GRID1: variants seen among roughly 807,000 people sequenced by gnomAD.
GRID1 encodes the protein glutamate receptor ionotropic, delta-1.
In GRID1, 28 loss-of-function variants were observed where a neutral mutation model predicts 98.0. The ratio of observed to expected loss-of-function variants is 0.29; its 90% CI spans 0.21 to 0.39. The LOEUF (loss-of-function observed/expected upper bound fraction) is 0.39, where lower values mean the gene tolerates loss of function less well. GRID1 is among the 10% of genes least tolerant of loss of function. GRID1 has a pLI of 1.00. For missense variants in GRID1, 1,111 were observed against 1,340.5 expected, an observed-to-expected ratio of 0.83 and a Z score of 2.67; for synonymous variants, 553 against 538.5, an observed-to-expected ratio of 1.03 and a Z score of -0.37.
At chr10:86,086,619 T>C (rs1844061486) in intron 4 of GRID1, among the ~76,000 whole-genome samples, 1 of 151,956 alleles carries the variant, frequency 6.6e-6, no homozygotes, top group Admixed American at 6.6e-5. Context: ...TGTGCGCAAG[T>C]GTGTGTGTGT....
intron 4 of GRID1, among the ~76,000 whole-genome samples, chr10:86,035,734 G>A (rs1436436318): frequency 6.6e-6 from 1 of 152,148 alleles, no homozygotes; most frequent in East Asian, 1.9e-4. Flanking sequence ...GACAGATAAT[G>A]AGCATTAAAG....
intron 12 of GRID1, among the ~76,000 whole-genome samples, chr10:85,703,954 G>T (rs1231340554): frequency 6.6e-6 from 1 of 152,030 alleles, no homozygotes; most frequent in Non-Finnish European, 1.5e-5. Context: ...GCATTTGCTT[G>T]TCTGTAAAGT....
chr10:85,814,189 C>T (rs1267395989), intron 8 of GRID1, among the ~76,000 whole-genome samples: 1 of 151,752 alleles, frequency 6.6e-6, no homozygotes, highest in Admixed American at 6.6e-5. Flanking sequence ...CTGCCATGGG[C>T]TGCATATACA....
chr10:85,924,078 C>A (rs1482168952), intron 4 of GRID1, among the ~76,000 whole-genome samples: 2 of 152,176 alleles, frequency 1.3e-5, no homozygotes, highest in Non-Finnish European at 2.9e-5. Flanking sequence ...CAGCACCTGG[C>A]AGACAGTGAA....
At chr10:86,179,164 C>A (rs1001876892) in intron 3 of GRID1, among the ~76,000 whole-genome samples, 3 of 151,774 alleles carry the variant, frequency 2.0e-5, no homozygotes, top group Admixed American at 2.0e-4. Flanking sequence ...CGGGCCTCCA[C>A]TGGGGCCCAC....
At chr10:85,829,469 G>C (rs150636958) in intron 8 of GRID1, among the ~76,000 whole-genome samples, 2 of 152,270 alleles carry the variant, frequency 1.3e-5, no homozygotes, top group African/African-American at 4.8e-5. Flanking sequence ...GCAAGAGAAA[G>C]AAATAAAGGG....
At chr10:85,910,015 A>T (rs1841515875) in intron 5 of GRID1, among the ~76,000 whole-genome samples, 1 of 152,224 alleles carries the variant, frequency 6.6e-6, no homozygotes, top group Non-Finnish European at 1.5e-5. Flanking sequence ...GGTCTGATAA[A>T]TGGCAACTCC....
At chr10:85,857,408 G>A (rs1843122588) in intron 6 of GRID1, among the ~76,000 whole-genome samples, 2 of 152,150 alleles carry the variant, frequency 1.3e-5, no homozygotes, top group Non-Finnish European at 2.9e-5. Context: ...CGATCTGGAT[G>A]TGGAGGAGCT....
intron 5 of GRID1, among the ~76,000 whole-genome samples, chr10:85,893,509 C>T (rs979864993): frequency 6.6e-6 from 1 of 152,044 alleles, no homozygotes; most frequent in Non-Finnish European, 1.5e-5. Flanking sequence ...CAAAAACCTA[C>T]CAGAACTAAG....
At chr10:85,875,557 A>C (rs1197223565) in intron 5 of GRID1, among the ~76,000 whole-genome samples, 1 of 151,972 alleles carries the variant, frequency 6.6e-6, no homozygotes, top group Admixed American at 6.6e-5. Context: ...TTTTCTCTTT[A>C]TTCCTTGTTT....
At chr10:85,922,042 A>G (rs562814698) in intron 4 of GRID1, among the ~76,000 whole-genome samples, 2 of 152,314 alleles carry the variant, frequency 1.3e-5, no homozygotes, top group South Asian at 2.1e-4. Context: ...CTTAGCCAGT[A>G]TTCAGCAGAG....
chr10:85,879,107 C>T (rs182021449), intron 5 of GRID1, among the ~76,000 whole-genome samples: 7,106 of 152,056 alleles, frequency 0.047, 246 homozygotes, highest in Non-Finnish European at 0.07. Flanking sequence ...ACAGGAGCAT[C>T]CAGATTCATA....
At chr10:86,326,796 G>T (rs1848057024) in intron 2 of GRID1, among the ~76,000 whole-genome samples, 1 of 152,192 alleles carries the variant, frequency 6.6e-6, no homozygotes, top group African/African-American at 2.4e-5. Flanking sequence ...TTACCCAGGA[G>T]GAAACCAGCC....
chr10:85,938,845 C>G (rs528374370), intron 4 of GRID1, among the ~76,000 whole-genome samples: 1 of 152,226 alleles, frequency 6.6e-6, no homozygotes, highest in South Asian at 2.1e-4. Flanking sequence ...CTTGATAATA[C>G]CAGCAACAAC....
At chr10:85,609,633 G>T (rs1473900966) in intron 15 of GRID1, among the ~76,000 whole-genome samples, 2 of 152,214 alleles carry the variant, frequency 1.3e-5, no homozygotes, top group African/African-American at 4.8e-5. Context: ...GGGGCCATCT[G>T]CTTCTCTGTC....
intron 2 of GRID1, among the ~76,000 whole-genome samples, chr10:86,316,695 C>A (rs939325664): frequency 1.3e-5 from 2 of 150,144 alleles, no homozygotes; most frequent in Non-Finnish European, 2.9e-5. Context: ...CCCCAGGGCT[C>A]CTGAGCACCA....
At chr10:86,245,500 CT>C in intron 2 of GRID1, among the ~76,000 whole-genome samples, 1 of 145,078 alleles carries the variant, frequency 6.9e-6, no homozygotes, top group Non-Finnish European at 1.6e-5. Flanking sequence ...ATTTGCTTTA[CT>C]CCATTCCTCC....
intron 8 of GRID1, among the ~76,000 whole-genome samples, chr10:85,731,819 A>AGAAG (rs1191049871): frequency 7.4e-6 from 1 of 134,274 alleles, no homozygotes; most frequent in Non-Finnish European, 1.6e-5. Flanking sequence ...AAAAAGAAGA[A>AGAAG]GAAGGAAGGA....
chr10:86,149,071 G>T (rs985016100), intron 3 of GRID1, among the ~76,000 whole-genome samples: 7 of 152,250 alleles, frequency 4.6e-5, no homozygotes, highest in African/African-American at 1.7e-4. Flanking sequence ...CCCCCAAAAG[G>T]GCTCTCAAAT....
Sources: allele counts gnomAD v4.1 joint callset (sites outside exome capture counted in the v4.1 genomes callset), GRCh38; gene constraint gnomAD v4.1.1; transcripts MANE v1.5; gene names NCBI Gene and HGNC (gene_info 2026-07-23, HGNC 2026-07-21).